The following DCDC1 variants were observed in gnomAD, a reference collection of about 807,000 sequenced individuals.
DCDC1 encodes doublecortin domain-containing protein 1.
In DCDC1, 200 loss-of-function variants were observed where a neutral mutation model predicts 178.3. The ratio of observed to expected loss-of-function variants is 1.12; its 90% CI spans 1.00 to 1.26. The LOEUF (loss-of-function observed/expected upper bound fraction) is 1.26. Ranked by LOEUF, DCDC1 falls within the 50% of genes most tolerant of loss-of-function variation. The pLI is 0.00. For missense variants in DCDC1, 1,983 were observed against 1,749.2 expected (o/e 1.13, Z -2.38); for synonymous variants, 690 against 604.8 (o/e 1.14, Z -2.07).
chr11:31,325,095 T>G (rs1227825038), intron 3 of DCDC1, among the ~76,000 whole-genome samples: 1 of 152,160 alleles, frequency 6.6e-6, no homozygotes, highest in African/African-American at 2.4e-5. Context: ...TTGAAAATCA[T>G]TAAAACAACA....
At chr11:31,061,211 TG>T (rs1467508462) in intron 20 of DCDC1, among the ~76,000 whole-genome samples, 1 of 152,160 alleles carries the variant, frequency 6.6e-6, no homozygotes, top group Non-Finnish European at 1.5e-5. Flanking sequence ...GGTGACAAGC[TG>T]GGTCAGCATG....
At chr11:31,022,686 T>TGTGG (rs764221163) in intron 20 of DCDC1, among the ~76,000 whole-genome samples, 25 of 146,562 alleles carry the variant, frequency 1.7e-4, no homozygotes, top group Admixed American at 1.7e-3. Flanking sequence ...TGTGTGTGTG[T>TGTGG]GGTATGTGTT....
At chr11:31,144,879 C>A (rs1000616488) in intron 9 of DCDC1, among the ~76,000 whole-genome samples, 1 of 151,968 alleles carries the variant, frequency 6.6e-6, no homozygotes, top group Non-Finnish European at 1.5e-5. Flanking sequence ...TATTAAAGTT[C>A]CTTTTTGAGG....
chr11:31,321,312 G>A (rs1157756003), intron 3 of DCDC1, among the ~76,000 whole-genome samples: 20 of 114,392 alleles, frequency 1.7e-4, no homozygotes, highest in Middle Eastern at 7.6e-3. Context: ...GCGAGATTCC[G>A]TGGGCGTAGG....
intron 9 of DCDC1, among the ~76,000 whole-genome samples, chr11:31,216,237 T>G (rs1011164198): frequency 6.6e-5 from 10 of 152,056 alleles, no homozygotes; most frequent in African/African-American, 2.2e-4. Context: ...TCATAGAAAA[T>G]GGGCATGATA....
At chr11:30,900,174 T>C (rs1022561422) in intron 33 of DCDC1, among the ~76,000 whole-genome samples, 172 bp downstream of exon 33, 1 of 152,072 alleles carries the variant, frequency 6.6e-6, no homozygotes, top group Non-Finnish European at 1.5e-5. Context: ...AACATGAGAG[T>C]ATAGCTATCC....
At chr11:31,180,423 A>G (rs757727383) in intron 9 of DCDC1, among the ~76,000 whole-genome samples, 1 of 152,240 alleles carries the variant, frequency 6.6e-6, no homozygotes, top group Non-Finnish European at 1.5e-5. Context: ...ATGGCCGAAT[A>G]GGAACAGCTC....
At chr11:31,089,666 T>C (rs542104395) in intron 17 of DCDC1, among the ~76,000 whole-genome samples, 1 of 152,112 alleles carries the variant, frequency 6.6e-6, no homozygotes, top group East Asian at 1.9e-4. Context: ...TGTGAATAGT[T>C]TTGTTATCTT....
chr11:31,199,618 A>T (rs1971069875), intron 9 of DCDC1, among the ~76,000 whole-genome samples: 1 of 152,122 alleles, frequency 6.6e-6, no homozygotes. Context: ...GTGTCTTACA[A>T]GAATTTCACT....
intron 38 of DCDC1, among the ~76,000 whole-genome samples, chr11:30,867,918 T>C (rs1466368700): frequency 6.6e-6 from 1 of 152,204 alleles, no homozygotes. Flanking sequence ...GAAGAGGATG[T>C]AGCAGCTTAT....
At chr11:30,869,418 T>C (rs1471691695) in intron 38 of DCDC1, among the ~76,000 whole-genome samples, 1 of 152,198 alleles carries the variant, frequency 6.6e-6, no homozygotes, top group Admixed American at 6.5e-5. Context: ...ATAAAACTTT[T>C]TAAACCAACA....
chr11:30,964,033 T>C (rs1341066224), intron 20 of DCDC1, among the ~76,000 whole-genome samples: 2 of 152,138 alleles, frequency 1.3e-5, no homozygotes, highest in African/African-American at 2.4e-5. Context: ...AACACTCCTA[T>C]AGGCAGGAAG....
At chr11:31,145,259 T>C (rs913076723) in intron 9 of DCDC1, among the ~76,000 whole-genome samples, 1 of 152,134 alleles carries the variant, frequency 6.6e-6, no homozygotes, top group Non-Finnish European at 1.5e-5. Context: ...TAGAGCTTCA[T>C]GGATGAGGTT....
intron 17 of DCDC1, among the ~76,000 whole-genome samples, chr11:31,090,476 C>T (rs1426653347): frequency 6.6e-6 from 1 of 152,114 alleles, no homozygotes; most frequent in African/African-American, 2.4e-5. Context: ...AATAATGATA[C>T]CTACCCTATC....
At chr11:31,203,287 G>A (rs1031400687) in intron 9 of DCDC1, among the ~76,000 whole-genome samples, 14 of 152,072 alleles carry the variant, frequency 9.2e-5, no homozygotes, top group African/African-American at 3.4e-4. Context: ...AATGAACCTG[G>A]AGCAAGTGGA....
intron 3 of DCDC1, among the ~76,000 whole-genome samples, chr11:31,315,647 T>C (rs1436823124): frequency 2.4e-5 from 1 of 41,714 alleles, no homozygotes; most frequent in Non-Finnish European, 4.3e-5. Context: ...TCTGCATACC[T>C]TTTTTTTTTT....
chr11:31,097,173 C>T (rs1351696291), intron 15 of DCDC1, among the ~76,000 whole-genome samples: 2 of 152,184 alleles, frequency 1.3e-5, no homozygotes, highest in African/African-American at 4.8e-5. Flanking sequence ...TAAAGCAATG[C>T]ATACACATGC....
chr11:30,924,084 C>A (rs921604794), intron 23 of DCDC1, among the ~76,000 whole-genome samples: 6 of 152,304 alleles, frequency 3.9e-5, no homozygotes, highest in African/African-American at 4.8e-5. Context: ...TCCTTCCACT[C>A]ATACCTGCTT....
intron 30 of DCDC1, 104 bp downstream of exon 30, chr11:30,906,431 ATGAAT>A: frequency 9.1e-7 from 1 of 1,099,790 alleles, no homozygotes; most frequent in Non-Finnish European, 1.3e-6. Context: ...TCTGAGGAAG[ATGAAT>A]TGGATGAGTG....
Sources: allele counts gnomAD v4.1 joint callset (sites outside exome capture counted in the v4.1 genomes callset), GRCh38; gene constraint gnomAD v4.1.1; transcripts MANE v1.5; gene names NCBI Gene and HGNC (gene_info 2026-07-23, HGNC 2026-07-21).